The following SLC4A5 variants were observed in gnomAD, a reference collection of about 807,000 sequenced individuals.
SLC4A5 encodes the protein electrogenic sodium bicarbonate cotransporter 4.
SLC4A5 carries 96 observed loss-of-function variants against 120.4 expected under a neutral mutation model. That is an observed-to-expected ratio of 0.80 (90% confidence interval 0.68 to 0.94). The LOEUF (loss-of-function observed/expected upper bound fraction) is 0.94. Ranked by LOEUF, SLC4A5 falls within the 40% of genes least tolerant of loss-of-function variation. SLC4A5 has a pLI of 0.00. For missense variants in SLC4A5, 1,259 were observed against 1,459.5 expected, an observed-to-expected ratio of 0.86 and a Z score of 2.24; for synonymous variants, 550 against 571.1, an observed-to-expected ratio of 0.96 and a Z score of 0.53.
exon 7 of SLC4A5, chr2:74,304,634 T>G (rs765173467): frequency 6.8e-6 from 11 of 1,613,962 alleles, no homozygotes; most frequent in Non-Finnish European, 9.3e-6. Context: ...CAGTTTTTCT[T>G]TGAGGGTAAG....
chr2:74,260,979 C>G (rs1671116692), intron 11 of SLC4A5, among the ~76,000 whole-genome samples: 1 of 152,066 alleles, frequency 6.6e-6, no homozygotes, highest in Non-Finnish European at 1.5e-5. Context: ...CCCCAACCTC[C>G]TATTTGTTTT....
chr2:74,223,919 C>CA (rs1345572843), intron 28 of SLC4A5, among the ~76,000 whole-genome samples: 1 of 152,144 alleles, frequency 6.6e-6, no homozygotes, highest in Non-Finnish European at 1.5e-5. Context: ...CTGCACAAGG[C>CA]AAAATCACGA....
rs77436126 is a variant in SLC4A5 at position 74,291,498 on chromosome 2, C to T, written c.272-5596G>A. Among the ~76,000 whole-genome samples, 461 of 152,336 alleles carry T rather than the reference C, an allele frequency of 3.0e-3. 2 individuals are homozygous for T. The highest frequency in any genetic ancestry group is 0.01 in the African/African-American group (425 of 41,568). The stretch of plus-strand genomic sequence containing the variant: ...ACCAAGACCCAGTTTACCCCATAGG[C>T]CCCCTAGGCCCCAACACAGGTTAGC... On this transcript the variant is annotated intron_variant, in intron 7 of 30. Transcript: ENST00000394019.
intron 6 of SLC4A5, among the ~76,000 whole-genome samples, chr2:74,305,275 C>A (rs1366282355): frequency 6.6e-6 from 1 of 152,208 alleles, no homozygotes; most frequent in Non-Finnish European, 1.5e-5. Flanking sequence ...ACAGAGGTAG[C>A]TGGAATTCCC....
chr2:74,250,610 G>A (rs1670760664), intron 16 of SLC4A5, 93 bp from the exon 17 acceptor site: 1 of 1,478,956 alleles, frequency 6.8e-7, no homozygotes, highest in Non-Finnish European at 9.2e-7. Flanking sequence ...CTGGGGCGAG[G>A]AAAGGAACTT....
intron 21 of SLC4A5, among the ~76,000 whole-genome samples, chr2:74,238,849 T>C (rs1670348536): frequency 6.6e-6 from 1 of 152,170 alleles, no homozygotes. Context: ...AATCAAAAGA[T>C]GCCATTAAGG....
At chr2:74,283,606 G>C (rs1414356559) in intron 8 of SLC4A5, among the ~76,000 whole-genome samples, 4 of 152,214 alleles carry the variant, frequency 2.6e-5, no homozygotes, top group Non-Finnish European at 5.9e-5. Context: ...TAGTGAGGGA[G>C]ATGAGCGAGG....
intron 16 of SLC4A5, 145 bp from the exon 17 acceptor site, chr2:74,250,662 T>G (rs1372353549): frequency 9.6e-6 from 9 of 937,588 alleles, no homozygotes; most frequent in Admixed American, 2.6e-5. Flanking sequence ...CCAGAACATT[T>G]AGGGCCAGGG....
rs181761440 is a variant in SLC4A5, at chr2:74,277,693, G to A, written c.401+8080C>T. 5.3e-5 allele frequency among the ~76,000 whole-genome samples: 8 copies of A among 150,214 alleles called. No homozygotes were observed. In the Admixed American group the frequency reaches 5.3e-4, roughly 10 times the overall value. On this transcript the variant is annotated intron_variant, in intron 8 of 30. Transcript: ENST00000394019. The stretch of plus-strand genomic sequence containing the variant: ...CCACCAAAATCAATGTGTAGATCTT[G>A]TTTTGATTCTAAGTTGTATAAACCA...
At chr2:74,264,344 C>A in intron 9 of SLC4A5, 45 bp from the exon 10 acceptor site, 1 of 1,579,944 alleles carries the variant, frequency 6.3e-7, no homozygotes, top group Non-Finnish European at 8.6e-7. Flanking sequence ...GACAGAACAG[C>A]TCCAGGGTAT....
chr2:74,287,074 C>T lies in SLC4A5; in HGVS notation c.272-1172G>A, dbSNP rs78875244. Among the ~76,000 whole-genome samples the T allele has an allele frequency of 3.7e-3, 568 of 152,308 alleles. 5 individuals are homozygous for T. Among genetic ancestry groups the T allele is most frequent in the African/African-American group, 0.013 (536 of 41,554 alleles). On this transcript the variant is annotated intron_variant, in intron 7 of 30. Transcript: ENST00000394019. Reference sequence around the variant, plus strand: ...CAGGAACCCCACTGCCCTGCCCCGACGCAATCTCTCGTTCACTGTCTCCTG... The same window carrying T: ...CAGGAACCCCACTGCCCTGCCCCGATGCAATCTCTCGTTCACTGTCTCCTG...
chr2:74,282,115 C>T (rs1671832737), intron 8 of SLC4A5, among the ~76,000 whole-genome samples: 1 of 152,218 alleles, frequency 6.6e-6, no homozygotes, highest in Admixed American at 6.5e-5. Context: ...GACCCAAGCA[C>T]CTCTAACCTT....
intron 22 of SLC4A5, 93 bp downstream of exon 22, chr2:74,235,008 G>T: frequency 3.0e-6 from 3 of 989,496 alleles, no homozygotes; most frequent in Non-Finnish European, 4.6e-6. Flanking sequence ...TCTTGGCCAA[G>T]AGGAGAAGAG....
intron 7 of SLC4A5, among the ~76,000 whole-genome samples, chr2:74,302,348 G>A (rs1458197045): frequency 2.6e-5 from 4 of 152,198 alleles, no homozygotes; most frequent in Non-Finnish European, 5.9e-5. Context: ...TGGACGTGGT[G>A]GCTCATGCCT....
In SLC4A5 at chr2:74,325,265, C is replaced by CAT. The variant is rs143207359; in HGVS notation, c.-3+2853_-3+2854dup. Among the ~76,000 whole-genome samples, 1,201 of 152,308 alleles carry CAT rather than the reference C, an allele frequency of 7.9e-3. 17 individuals carry two copies. Among genetic ancestry groups the CAT allele is most frequent in the African/African-American group, 0.027 (1,126 of 41,576 alleles). The stretch of plus-strand genomic sequence containing the variant: ...TGCTTGTCACTGACAAATGACAATA[C>CAT]ATATGCAAACACAGATGAGAACTCT... On this transcript the variant is annotated intron_variant, in intron 5 of 30. Coordinates refer to ENST00000394019, the Ensembl canonical transcript of SLC4A5.
chr2:74,304,385 G>T (rs1672572206), intron 7 of SLC4A5, 104 bp downstream of exon 7: 2 of 1,209,742 alleles, frequency 1.7e-6, no homozygotes. Context: ...TGAGCCATGT[G>T]GAGCGTTACC....
At chr2:74,307,141 C>T in intron 6 of SLC4A5, 1 of 558,350 alleles carries the variant, frequency 1.8e-6, no homozygotes, top group South Asian at 1.7e-5. Flanking sequence ...AGCATCATCT[C>T]AGCAGCTCCA....
chr2:74,257,455 C>T (rs552148794), intron 12 of SLC4A5, among the ~76,000 whole-genome samples: 7 of 152,194 alleles, frequency 4.6e-5, no homozygotes, highest in South Asian at 4.2e-4. Context: ...CGTCTCCGAG[C>T]ATCAGGCAGG....
chr2:74,217,449 T>C (rs2103852384), exon 31 of SLC4A5: 1 of 152,344 alleles, frequency 6.6e-6, no homozygotes, highest in Admixed American at 6.5e-5. Flanking sequence ...ACTAGGTTGA[T>C]TAATATTGCA....
Sources: gnomAD v4.1 joint callset for allele counts (sites outside exome capture counted in the v4.1 genomes callset) on GRCh38, gnomAD v4.1.1 for gene constraint, MANE v1.5 for transcripts, NCBI Gene and HGNC (gene_info 2026-07-23, HGNC 2026-07-21) for gene names.